Variants in NLGN1 observed in about 807,000 individuals in gnomAD.
The protein encoded by NLGN1 is neuroligin-1.
Under a neutral mutation model 65.5 loss-of-function variants are expected in NLGN1, and 12 were observed. That is an observed-to-expected ratio of 0.18 (90% confidence interval 0.12 to 0.30). The LOEUF is 0.30. NLGN1 is among the 10% of genes least tolerant of loss of function. The probability of loss-of-function intolerance (pLI) is 1.00; values close to 1 mark genes in which losing one functional copy is unlikely to be tolerated. For synonymous variants in NLGN1, 350 were observed against 359.5 expected (o/e 0.97, Z 0.30); for missense variants, 750 against 1,007.1 (o/e 0.74, Z 3.46).
At chr3:173,551,621 G>T (rs1389220231) in intron 2 of NLGN1, among the ~76,000 whole-genome samples, 1 of 152,114 alleles carries the variant, frequency 6.6e-6, no homozygotes, top group Admixed American at 6.5e-5. Context: ...TAATTTTAAG[G>T]ATTATTATAA....
chr3:174,108,102 T>C (rs1320432563), intron 4 of NLGN1, among the ~76,000 whole-genome samples: 1 of 152,166 alleles, frequency 6.6e-6, no homozygotes, highest in Non-Finnish European at 1.5e-5. Context: ...CTTTTGATCC[T>C]TTTAACTGCA....
chr3:174,289,423 C>T (rs547793118), downstream of NLGN1, among the ~76,000 whole-genome samples: 1 of 151,468 alleles, frequency 6.6e-6, no homozygotes, highest in South Asian at 2.1e-4. Context: ...TACTCTTCCT[C>T]TTTTCTACAC....
In NLGN1 at chr3:173,784,087, G is replaced by A. The variant is rs575585496; in HGVS notation, c.494-23593G>A. On this transcript the variant is annotated intron_variant, in intron 3 of 6. Coordinates refer to ENST00000457714, the Ensembl canonical transcript of NLGN1. The stretch of plus-strand genomic sequence containing the variant: ...TGATAGGAGTCATAAAATGTATGGA[G>A]CACTGATTATGTGCCAGGTAATGTA... Among the ~76,000 whole-genome samples the A allele has an allele frequency of 4.6e-5, 7 of 152,240 alleles. No individual in the cohort carries two copies. In the South Asian group the frequency reaches 1.0e-3, roughly 23 times the overall value.
At chr3:173,696,588 TA>T (rs1766252583) in intron 3 of NLGN1, among the ~76,000 whole-genome samples, 1 of 152,164 alleles carries the variant, frequency 6.6e-6, no homozygotes, top group Non-Finnish European at 1.5e-5. Context: ...AGGAGTAGAC[TA>T]AAATTTCTAG....
intron 1 of NLGN1, among the ~76,000 whole-genome samples, chr3:173,427,989 C>T (rs562206321): frequency 1.3e-5 from 2 of 151,422 alleles, no homozygotes; most frequent in Non-Finnish European, 3.0e-5. Context: ...TTTTTGTGAT[C>T]CAGTGTTGGA....
chr3:173,871,668 A>C (rs938096301), intron 4 of NLGN1, among the ~76,000 whole-genome samples: 3 of 152,242 alleles, frequency 2.0e-5, no homozygotes, highest in African/African-American at 7.2e-5. Context: ...CTGTACAACA[A>C]GGCCATGCCT....
At chr3:174,230,864 A>G (rs1024665339) in intron 4 of NLGN1, among the ~76,000 whole-genome samples, 1 of 152,226 alleles carries the variant, frequency 6.6e-6, no homozygotes, top group African/African-American at 2.4e-5. Flanking sequence ...ACTATATTGT[A>G]TATTGTAAAT....
intron 2 of NLGN1, among the ~76,000 whole-genome samples, chr3:173,473,087 G>C (rs1725576515): frequency 6.6e-6 from 1 of 152,086 alleles, no homozygotes. Flanking sequence ...TGTGCAGTGA[G>C]AATTCAAAAT....
At chr3:173,554,275 T>G (rs1741364472) in intron 2 of NLGN1, among the ~76,000 whole-genome samples, 1 of 152,202 alleles carries the variant, frequency 6.6e-6, no homozygotes, top group Admixed American at 6.5e-5. Flanking sequence ...TCTTCATGTC[T>G]TTCTGTATGT....
At chr3:173,861,184 A>T (rs1728995712) in intron 4 of NLGN1, among the ~76,000 whole-genome samples, 2 of 152,334 alleles carry the variant, frequency 1.3e-5, no homozygotes, top group African/African-American at 4.8e-5. Flanking sequence ...ATGACATAAA[A>T]ACAATAATAA....
At chr3:173,505,542 A>G (rs1731891485) in intron 2 of NLGN1, among the ~76,000 whole-genome samples, 1 of 152,022 alleles carries the variant, frequency 6.6e-6, no homozygotes, top group African/African-American at 2.4e-5. Context: ...TCTTCTCCTA[A>G]GGGTCTTTCA....
In NLGN1 at chr3:174,086,959, T is replaced by C. The variant is rs1300301966; in HGVS notation, c.647-188356T>C. Among the ~76,000 whole-genome samples, 3 of 152,306 alleles carry C rather than the reference T, an allele frequency of 2.0e-5. No individual in the cohort carries two copies. The East Asian group carries it at 5.8e-4, about 29-fold the overall frequency. On this transcript the variant is annotated intron_variant, in intron 4 of 6. Coordinates refer to ENST00000457714, the Ensembl canonical transcript of NLGN1. ...AAAATATTTCCTGAAGGAATACTAT[T>C]ATCTTTACATAGACAAAACGTGGAG... is the stretch of plus-strand genomic sequence containing the variant.
At chr3:173,977,136 C>CAG (rs1717676021) in intron 4 of NLGN1, among the ~76,000 whole-genome samples, 1 of 151,692 alleles carries the variant, frequency 6.6e-6, no homozygotes, top group African/African-American at 2.4e-5. Flanking sequence ...CACACACACA[C>CAG]ACCATTTCAA....
At position 174,107,017 on chromosome 3, in the gene NLGN1, CAGAGAGAGAGAG is replaced by C. The variant is rs71162376; in HGVS notation, c.647-168274_647-168263del. 7.7e-3 allele frequency among the ~76,000 whole-genome samples: 754 copies of C among 97,684 alleles called. 14 individuals carry two copies. Among genetic ancestry groups the C allele is most frequent in the African/African-American group, 0.03 (709 of 23,994 alleles). 64.1% of individuals were successfully genotyped at this position (97,684 alleles called of 152,430 possible). On this transcript the variant is annotated intron_variant, in intron 4 of 6. Coordinates refer to ENST00000457714, the Ensembl canonical transcript of NLGN1. ...ACACACACACACACACACACACACA[CAGAGAGAGAGAG>C]AGAGAGAGAGAGAGAGAGAGAGAAA... is the stretch of plus-strand genomic sequence containing the variant.
chr3:174,088,766 A>AAATAAATAAATT (rs1743937735), intron 4 of NLGN1, among the ~76,000 whole-genome samples: 2 of 125,594 alleles, frequency 1.6e-5, no homozygotes, highest in Non-Finnish European at 3.5e-5. Flanking sequence ...AAAAATAAAT[A>AAATAAATAAATT]AATAAATAAA....
At chr3:174,156,351 C>T (rs776504968) in intron 4 of NLGN1, among the ~76,000 whole-genome samples, 1 of 151,874 alleles carries the variant, frequency 6.6e-6, no homozygotes, top group African/African-American at 2.4e-5. Context: ...CTGGGCTCCC[C>T]GAAGTATGTT....
At chr3:173,563,765 C>T (rs1227774757) in intron 2 of NLGN1, among the ~76,000 whole-genome samples, 1 of 152,106 alleles carries the variant, frequency 6.6e-6, no homozygotes, top group East Asian at 1.9e-4. Flanking sequence ...TTCCTCACCG[C>T]CTCTATTACA....
At chr3:173,720,806 TAATGAAACAAG>T (rs1298164947) in intron 3 of NLGN1, among the ~76,000 whole-genome samples, 2 of 152,164 alleles carry the variant, frequency 1.3e-5, no homozygotes, top group African/African-American at 4.8e-5. Context: ...GGGGATGAAG[TAATGAAACAAG>T]AACGTGATAC....
At chr3:173,986,823 A>G (rs770860882) in intron 4 of NLGN1, among the ~76,000 whole-genome samples, 1 of 152,152 alleles carries the variant, frequency 6.6e-6, no homozygotes, top group Non-Finnish European at 1.5e-5. Flanking sequence ...TCGGGACACG[A>G]CAGAGCAGGA....
Sources: gnomAD v4.1 joint callset for allele counts (sites outside exome capture counted in the v4.1 genomes callset) on GRCh38, gnomAD v4.1.1 for gene constraint, MANE v1.5 for transcripts, NCBI Gene and HGNC (gene_info 2026-07-23, HGNC 2026-07-21) for gene names.